Variants in GRIK4 observed in about 807,000 individuals in gnomAD.
GRIK4 encodes the protein glutamate receptor ionotropic, kainate 4.
In GRIK4, 40 loss-of-function variants were observed where a neutral mutation model predicts 104.9. That is an observed-to-expected ratio of 0.38 (90% confidence interval 0.30 to 0.50). The LOEUF is 0.50. Among genes scored for constraint, GRIK4 ranks in the 20% least tolerant of loss-of-function variants. The pLI is 0.93. For missense variants in GRIK4, 1,047 were observed against 1,308.1 expected (o/e 0.80, Z 3.08); for synonymous variants, 485 against 524.9 (o/e 0.92, Z 1.04).
At chr11:120,647,755 C>T (rs1427848524) in intron 1 of GRIK4, among the ~76,000 whole-genome samples, 12 of 152,230 alleles carry the variant, frequency 7.9e-5, no homozygotes, top group African/African-American at 2.9e-4. Context: ...CAGAGGCCAC[C>T]CTGACTTATG....
At chr11:120,894,911 A>G (rs1043464483) in intron 11 of GRIK4, 3 of 131,774 alleles carry the variant, frequency 2.3e-5, no homozygotes, top group Non-Finnish European at 3.1e-5. Flanking sequence ...CCTTTCTGCA[A>G]TTAGATTGCA....
intron 16 of GRIK4, among the ~76,000 whole-genome samples, chr11:120,958,040 G>A (rs1944204165): frequency 6.6e-6 from 1 of 152,212 alleles, no homozygotes. Flanking sequence ...AGGGATGGAC[G>A]ATCTCAGCAA....
chr11:120,790,123 C>A (rs1323193176), intron 3 of GRIK4, among the ~76,000 whole-genome samples: 1 of 152,172 alleles, frequency 6.6e-6, no homozygotes, highest in Admixed American at 6.5e-5. Flanking sequence ...TTTGTCATAT[C>A]ACTTACCGTA....
chr11:120,843,932 G>A (rs1953787853), intron 8 of GRIK4, among the ~76,000 whole-genome samples: 1 of 152,272 alleles, frequency 6.6e-6, no homozygotes, highest in South Asian at 2.1e-4. Context: ...CCAAACTATA[G>A]TCAGGTCCAA....
At chr11:120,808,595 C>G (rs1565364924) in intron 4 of GRIK4, among the ~76,000 whole-genome samples, 1 of 152,218 alleles carries the variant, frequency 6.6e-6, no homozygotes, top group Non-Finnish European at 1.5e-5. Flanking sequence ...CCCTCACACA[C>G]TTTCTTCCTT....
intron 1 of GRIK4, among the ~76,000 whole-genome samples, chr11:120,545,483 C>T (rs541851697): frequency 3.9e-5 from 6 of 152,214 alleles, no homozygotes; most frequent in Admixed American, 1.3e-4. Flanking sequence ...GAGTAATTGC[C>T]GTATTGTAGT....
intron 1 of GRIK4, among the ~76,000 whole-genome samples, chr11:120,581,236 C>T (rs1948576984): frequency 6.6e-6 from 1 of 152,060 alleles, no homozygotes; most frequent in African/African-American, 2.4e-5. Flanking sequence ...TCTCTGTCTT[C>T]TTTAAATTAC....
At position 120,681,474 on chromosome 11, in the gene GRIK4, T is replaced by C. The variant is rs557942122; in HGVS notation, c.82+21074T>C. On this transcript the variant is annotated intron_variant, in intron 3 of 20. Coordinates refer to ENST00000527524, the MANE Select transcript of GRIK4 (RefSeq NM_014619.5). Reference sequence around the variant, plus strand: ...CCTCCCTCCTGTCCTTCTCCTCTGCTGTTTTCCCTCCCTCTCTTCATTTTG... The same window carrying C: ...CCTCCCTCCTGTCCTTCTCCTCTGCCGTTTTCCCTCCCTCTCTTCATTTTG... Among the ~76,000 whole-genome samples the C allele has an allele frequency of 3.9e-5, 6 of 152,318 alleles. No individual in the cohort carries two copies. In the South Asian group the frequency reaches 1.2e-3, roughly 32 times the overall value.
chr11:120,874,083 G>C lies in GRIK4; in HGVS notation c.924G>C (p.Leu308=). Residue 308 remains leucine (L), a synonymous_variant, in exon 10 of 21, where the codon CTG becomes CTC. Coordinates refer to ENST00000527524, the MANE Select transcript of GRIK4 (RefSeq NM_014619.5). ...FTGPALSSAL[L]FDAVYAVVTA... Reference sequence around the variant, plus strand: ...TCTCCCAGCTCTCCTCGGCCCTGCTGTTTGATGCTGTCTATGCTGTGGTGA... The same window carrying C: ...TCTCCCAGCTCTCCTCGGCCCTGCTCTTTGATGCTGTCTATGCTGTGGTGA... 1 of 1,610,334 alleles carries C rather than the reference G, an allele frequency of 6.2e-7. No homozygotes were observed. Among genetic ancestry groups the C allele is most frequent in the Admixed American group, 1.7e-5 (1 of 59,914 alleles).
chr11:120,561,349 T>C lies in GRIK4; in HGVS notation c.-159+49462T>C, dbSNP rs557792881. Among the ~76,000 whole-genome samples, 375 of 152,334 alleles carry C rather than the reference T, an allele frequency of 2.5e-3. 1 individual carries two copies. Among genetic ancestry groups the C allele is most frequent in the African/African-American group, 8.5e-3 (354 of 41,570 alleles). The stretch of plus-strand genomic sequence containing the variant: ...GATATTTCTGCATCAAGGCGCCTGC[T>C]ACTGGGCTTTGAGCTTTCCTCTCCC... On this transcript the variant is annotated intron_variant, in intron 1 of 20. Transcript: ENST00000527524.
intron 1 of GRIK4, among the ~76,000 whole-genome samples, chr11:120,565,160 G>A (rs1479813566): frequency 1.3e-5 from 2 of 152,228 alleles, no homozygotes; most frequent in African/African-American, 2.4e-5. Flanking sequence ...GGAGCGCTGT[G>A]CCTGCTCTCC....
intron 1 of GRIK4, among the ~76,000 whole-genome samples, chr11:120,539,128 A>G (rs1274793334): frequency 6.6e-6 from 1 of 152,298 alleles, no homozygotes; most frequent in East Asian, 1.9e-4. Flanking sequence ...GGAACACTCT[A>G]TTAGGGGAAG....
chr11:120,986,145 T>G lies in GRIK4; in HGVS notation c.2756T>G (p.Ile919Ser). 1 of 1,533,980 alleles carries G rather than the reference T, an allele frequency of 6.5e-7. No homozygotes were observed. Among genetic ancestry groups the G allele is most frequent in the Non-Finnish European group, 8.7e-7 (1 of 1,149,366 alleles). Reference protein sequence around the residue: ...AALVARGCTHIRVCPECRRFQ... With the variant: ...AALVARGCTHSRVCPECRRFQ... ...CTGGTGGCCCGCGGCTGCACGCACA[T>G]CCGCGTCTGCCCCGAGTGCCGCCGC... Residue 919 changes from isoleucine (I) to serine (S), a missense_variant, in exon 21 of 21, where the codon ATC (isoleucine) becomes AGC (serine). This residue lies in a region of GRIK4 where 160 missense variants were observed against 140.9 expected (regional missense o/e 1.14). Transcript: ENST00000527524.
intron 3 of GRIK4, among the ~76,000 whole-genome samples, chr11:120,663,191 G>T (rs947414359): frequency 1.3e-5 from 2 of 152,172 alleles, no homozygotes; most frequent in African/African-American, 4.8e-5. Context: ...GCCCTGAGGA[G>T]ACCCCACCCC....
chr11:120,633,628 T>C (rs1319176117), intron 1 of GRIK4, among the ~76,000 whole-genome samples: 1 of 152,162 alleles, frequency 6.6e-6, no homozygotes, highest in East Asian at 1.9e-4. Flanking sequence ...GTGTACTGAG[T>C]TGGCTTTTTT....
chr11:120,537,027 T>G (rs1047117302), intron 1 of GRIK4, among the ~76,000 whole-genome samples: 4 of 152,176 alleles, frequency 2.6e-5, no homozygotes, highest in Non-Finnish European at 5.9e-5. Context: ...GGCCTCACTC[T>G]GAGACACGTT....
chr11:120,813,816 C>T (rs1201061176), intron 4 of GRIK4, among the ~76,000 whole-genome samples: 1 of 152,180 alleles, frequency 6.6e-6, no homozygotes, highest in Non-Finnish European at 1.5e-5. Flanking sequence ...TGCCTGACTC[C>T]TAATACAAGT....
At chr11:120,897,352 C>CG (rs1279355199) in intron 11 of GRIK4, among the ~76,000 whole-genome samples, 1 of 148,510 alleles carries the variant, frequency 6.7e-6, no homozygotes, top group Non-Finnish European at 1.5e-5. Context: ...GAGTACATCT[C>CG]GGCCGGGCGC....
chr11:120,658,295 G>A (rs1949746114), intron 2 of GRIK4, among the ~76,000 whole-genome samples: 2 of 151,972 alleles, frequency 1.3e-5, no homozygotes, highest in Admixed American at 1.3e-4. Flanking sequence ...CTGGACATTT[G>A]GGTGGTTTCC....
Sources: gnomAD v4.1 joint callset for allele counts (sites outside exome capture counted in the v4.1 genomes callset) on GRCh38, gnomAD v4.1.1 for gene constraint, gnomAD v4.1.1 regional missense constraint, MANE v1.5 for transcripts, NCBI Gene and HGNC (gene_info 2026-07-23, HGNC 2026-07-21) for gene names.